Variants in NRG3 observed in about 807,000 individuals in gnomAD.
NRG3 encodes neuregulin 3.
Under a neutral mutation model 66.9 loss-of-function variants are expected in NRG3, and 31 were observed. The observed-to-expected ratio is 0.46, with a 90% CI of 0.35 to 0.63. The LOEUF (loss-of-function observed/expected upper bound fraction) is 0.63. Ranked by LOEUF, NRG3 falls within the 20% of genes least tolerant of loss-of-function variation. The pLI is 0.00. For synonymous variants in NRG3, 393 were observed against 359.4 expected, an observed-to-expected ratio of 1.09 and a Z score of -1.06; for missense variants, 910 against 878.9, an observed-to-expected ratio of 1.04 and a Z score of -0.45.
At chr10:82,909,156 T>G (rs1845072457) in intron 4 of NRG3, among the ~76,000 whole-genome samples, 1 of 152,248 alleles carries the variant, frequency 6.6e-6, no homozygotes, top group African/African-American at 2.4e-5. Flanking sequence ...ACCTGCTGTA[T>G]CTGTTAATGT....
chr10:82,703,416 A>C (rs1438117433), intron 2 of NRG3, among the ~76,000 whole-genome samples: 1 of 152,154 alleles, frequency 6.6e-6, no homozygotes, highest in Admixed American at 6.6e-5. Context: ...AAAAGAACTT[A>C]AGGAGCTAGC....
At chr10:82,543,345 G>A (rs994156585) in intron 2 of NRG3, among the ~76,000 whole-genome samples, 2 of 151,800 alleles carry the variant, frequency 1.3e-5, no homozygotes, top group Admixed American at 1.3e-4. Context: ...GGGCTGATGG[G>A]GCATCATGTC....
At chr10:82,918,332 A>G (rs1846087074) in intron 4 of NRG3, among the ~76,000 whole-genome samples, 2 of 152,160 alleles carry the variant, frequency 1.3e-5, no homozygotes, top group Admixed American at 1.3e-4. Context: ...ATTCAATACC[A>G]TCCTCACTAG....
intron 2 of NRG3, among the ~76,000 whole-genome samples, chr10:82,374,068 A>G (rs376536588): frequency 6.6e-6 from 1 of 152,208 alleles, no homozygotes; most frequent in Non-Finnish European, 1.5e-5. Flanking sequence ...GATAAACTGG[A>G]TCAATGAAAA....
chr10:82,735,949 C>A (rs997902204), intron 2 of NRG3, among the ~76,000 whole-genome samples: 1 of 151,962 alleles, frequency 6.6e-6, no homozygotes, highest in Non-Finnish European at 1.5e-5. Flanking sequence ...AGAATATTAA[C>A]CTGGTTAAGG....
intron 2 of NRG3, among the ~76,000 whole-genome samples, chr10:82,657,387 C>T (rs181428931): frequency 9.5e-4 from 144 of 152,176 alleles, no homozygotes; most frequent in Admixed American, 6.7e-3. Flanking sequence ...TTTTTCTTCT[C>T]TCCTGTTTTT....
In NRG3 at chr10:82,985,636, C is replaced by A; in HGVS notation, c.*31C>A. On this transcript the variant is annotated 3_prime_UTR_variant, in exon 9 of 9. Coordinates refer to ENST00000372141, the MANE Select transcript of NRG3 (RefSeq NM_001010848.4). ...GATGTAGGAATCTGTGCATTCTATG[C>A]TTTGCTCAACAGGAAAGAGAGGAAA... The A allele has an allele frequency of 6.3e-7, 1 of 1,580,958 alleles. No individual in the cohort carries two copies. Among genetic ancestry groups the A allele is most frequent in the South Asian group, 1.2e-5 (1 of 86,624 alleles).
intron 1 of NRG3, among the ~76,000 whole-genome samples, chr10:82,346,677 T>C (rs2083045818): frequency 6.6e-6 from 1 of 150,812 alleles, no homozygotes; most frequent in South Asian, 2.1e-4. Context: ...AGAATTCGGC[T>C]GTGAATCCAT....
intron 1 of NRG3, among the ~76,000 whole-genome samples, chr10:81,916,003 C>A (rs541447211): frequency 6.6e-6 from 1 of 152,268 alleles, no homozygotes; most frequent in African/African-American, 2.4e-5. Flanking sequence ...TTAATGATCT[C>A]ACTTAACATA....
intron 1 of NRG3, among the ~76,000 whole-genome samples, chr10:82,329,130 A>G (rs1296054801): frequency 1.3e-5 from 2 of 152,208 alleles, no homozygotes; most frequent in African/African-American, 2.4e-5. Context: ...GGAAGAAAAT[A>G]TTAACTCTTT....
chr10:82,135,643 G>C (rs772319007), intron 1 of NRG3, among the ~76,000 whole-genome samples: 1 of 152,042 alleles, frequency 6.6e-6, no homozygotes, highest in South Asian at 2.1e-4. Flanking sequence ...TCTTGAATAT[G>C]TCAGTTGAAT....
intron 3 of NRG3, among the ~76,000 whole-genome samples, chr10:82,853,678 TA>T (rs1006614980): frequency 6.6e-6 from 1 of 152,240 alleles, no homozygotes; most frequent in African/African-American, 2.4e-5. Context: ...TAGATTCATT[TA>T]TCAGTTCTAG....
chr10:82,490,500 G>A (rs1209252521), intron 2 of NRG3, among the ~76,000 whole-genome samples: 1 of 151,998 alleles, frequency 6.6e-6, no homozygotes, highest in African/African-American at 2.4e-5. Context: ...TCTTCACACA[G>A]GAGCATCTTT....
chr10:82,393,396 C>G (rs1356920890), intron 2 of NRG3, among the ~76,000 whole-genome samples: 1 of 152,148 alleles, frequency 6.6e-6, no homozygotes, highest in African/African-American at 2.4e-5. Flanking sequence ...AAAGACTCAG[C>G]TCTGTGTACA....
At chr10:82,614,081 G>C (rs978235764) in intron 2 of NRG3, among the ~76,000 whole-genome samples, 2 of 151,542 alleles carry the variant, frequency 1.3e-5, no homozygotes, top group Non-Finnish European at 2.9e-5. Flanking sequence ...TGTATTTTTA[G>C]TAGAGAAGAG....
At chr10:82,939,732 G>C (rs762061327) in intron 4 of NRG3, among the ~76,000 whole-genome samples, 5 of 152,048 alleles carry the variant, frequency 3.3e-5, no homozygotes, top group Non-Finnish European at 7.4e-5. Flanking sequence ...GCCTCCCGAA[G>C]TGCTGAGATT....
intron 4 of NRG3, among the ~76,000 whole-genome samples, chr10:82,875,560 G>A (rs1432951235): frequency 6.6e-6 from 1 of 152,124 alleles, no homozygotes; most frequent in Non-Finnish European, 1.5e-5. Context: ...GCTTCTCTAT[G>A]TTGCCAAGGC....
At chr10:82,606,883 T>C (rs1318008028) in intron 2 of NRG3, among the ~76,000 whole-genome samples, 1 of 152,078 alleles carries the variant, frequency 6.6e-6, no homozygotes, top group Non-Finnish European at 1.5e-5. Context: ...CACCAAAACG[T>C]TGTTTCTTCA....
intron 1 of NRG3, among the ~76,000 whole-genome samples, chr10:82,055,930 A>G (rs777652540): frequency 3.3e-5 from 5 of 152,208 alleles, no homozygotes; most frequent in Admixed American, 2.6e-4. Flanking sequence ...TTCTTAGGAA[A>G]TAAGAAGCAC....
Sources: gnomAD v4.1 joint callset for allele counts (sites outside exome capture counted in the v4.1 genomes callset) on GRCh38, gnomAD v4.1.1 for gene constraint, MANE v1.5 for transcripts, NCBI Gene and HGNC (gene_info 2026-07-23, HGNC 2026-07-21) for gene names.